Variants in EYS observed in about 807,000 individuals in gnomAD.
The protein encoded by EYS is EGF-like photoreceptor maintenance factor.
A neutral mutation model predicts 282.1 loss-of-function variants in EYS; 250 were observed. The observed-to-expected ratio is 0.89, with a 90% confidence interval of 0.80 to 0.98. The LOEUF (loss-of-function observed/expected upper bound fraction) is 0.98. Among genes scored for constraint, EYS ranks in the 50% least tolerant of loss-of-function variants. EYS has a pLI of 0.00. For synonymous variants in EYS, 1,355 were observed against 1,282.9 expected (o/e 1.06, Z -1.20); for missense variants, 4,016 against 3,709.0 (o/e 1.08, Z -2.15).
At chr6:64,335,373 C>A (rs1020425274) in intron 29 of EYS, among the ~76,000 whole-genome samples, 3 of 151,792 alleles carry the variant, frequency 2.0e-5, no homozygotes, top group African/African-American at 2.4e-5. Flanking sequence ...ACAGGCCCAG[C>A]GAGTTTCTGC....
intron 29 of EYS, among the ~76,000 whole-genome samples, chr6:64,329,144 G>C (rs965504194): frequency 6.6e-6 from 1 of 152,088 alleles, no homozygotes; most frequent in African/African-American, 2.4e-5. Flanking sequence ...GCTGGAAAAA[G>C]GACTTTATGG....
chr6:64,097,030 T>C (rs1772645569), intron 31 of EYS, among the ~76,000 whole-genome samples: 1 of 152,178 alleles, frequency 6.6e-6, no homozygotes, highest in South Asian at 2.1e-4. Flanking sequence ...CAGACCCTTT[T>C]TGCCTGGGTA....
Position 64,692,239 on chromosome 6 carries a change from T to C in EYS, c.3444-65994A>G, listed in dbSNP as rs528907882. Among the ~76,000 whole-genome samples, 3 of 152,338 alleles carry C rather than the reference T, an allele frequency of 2.0e-5. No homozygotes were observed. The East Asian group carries it at 5.8e-4, about 29-fold the overall frequency. ...ACTGTGGTTTTGATTTGCATTTCTC[T>C]GATGTTTAGTGATGCTAAGCATTTT... is the stretch of plus-strand genomic sequence containing the variant. On this transcript the variant is annotated intron_variant, in intron 22 of 42. Transcript: ENST00000503581.
At position 64,692,977 on chromosome 6, in the gene EYS, CTTTTTTTTTTT is replaced by C. The variant is rs67700846; in HGVS notation, c.3444-66743_3444-66733del. ...CTTGGGATTGGTTTGGCTGCTTGGG[CTTTTTTTTTTT>C]TTTTTTTTTTTGGTTCCAGAGGAAT... On this transcript the variant is annotated intron_variant, in intron 22 of 42. Coordinates refer to ENST00000503581, the MANE Select transcript of EYS (RefSeq NM_001142800.2). Among the ~76,000 whole-genome samples the C allele has an allele frequency of 7.0e-4, 8 of 11,506 alleles. No individual in the cohort carries two copies. In the Admixed American group the frequency reaches 7.4e-3, roughly 11 times the overall value. 7.5% of individuals were successfully genotyped at this position (11,506 alleles called of 152,430 possible). A position where few individuals can be genotyped will look rare whatever the true frequency, so the allele number is the denominator to read the frequency against.
chr6:65,630,681 C>T (rs1474181413), intron 2 of EYS, among the ~76,000 whole-genome samples: 2 of 152,166 alleles, frequency 1.3e-5, no homozygotes, highest in African/African-American at 4.8e-5. Context: ...ATATGAAGCA[C>T]ATCACAGTGT....
chr6:64,360,061 A>G (rs1047348827), intron 29 of EYS, among the ~76,000 whole-genome samples: 2 of 151,712 alleles, frequency 1.3e-5, no homozygotes, highest in African/African-American at 2.4e-5. Flanking sequence ...AGGGGTCAAA[A>G]GATCTTTATC....
At chr6:64,219,804 G>A (rs1478912057) in intron 31 of EYS, among the ~76,000 whole-genome samples, 2 of 152,132 alleles carry the variant, frequency 1.3e-5, no homozygotes, top group African/African-American at 4.8e-5. Context: ...ATGATAGACT[G>A]GATTAAGAAA....
At chr6:65,322,670 CTG>C (rs1334018037) in intron 11 of EYS, among the ~76,000 whole-genome samples, 2 of 152,008 alleles carry the variant, frequency 1.3e-5, no homozygotes, top group Non-Finnish European at 2.9e-5. Flanking sequence ...GGGCGCGCGC[CTG>C]TAGTCCCAGC....
intron 41 of EYS, among the ~76,000 whole-genome samples, chr6:63,727,300 C>A (rs754332866): frequency 6.6e-6 from 1 of 151,938 alleles, no homozygotes; most frequent in African/African-American, 2.4e-5. Flanking sequence ...TCTTAGAGTG[C>A]GCCCTGGTTC....
intron 22 of EYS, among the ~76,000 whole-genome samples, chr6:64,714,583 T>C (rs1320304561): frequency 6.8e-6 from 1 of 147,500 alleles, no homozygotes; most frequent in Non-Finnish European, 1.5e-5. Context: ...TGGAGTGCAG[T>C]GGCGCAATCT....
chr6:64,405,156 C>T (rs983985253), intron 28 of EYS, among the ~76,000 whole-genome samples: 4 of 152,052 alleles, frequency 2.6e-5, no homozygotes, highest in East Asian at 1.9e-4. Flanking sequence ...CCCCAACAGG[C>T]CCCAGTGTCA....
Position 64,822,702 on chromosome 6 carries a change from T to G in EYS, c.3113A>C (p.His1038Pro). The G allele has an allele frequency of 6.5e-7, 1 of 1,548,808 alleles. No individual in the cohort carries two copies. The highest frequency in any genetic ancestry group is 8.7e-7 in the Non-Finnish European group (1 of 1,145,768). ...CDCKSGFFGT[H>P]CETNANDCLS... ...GCAATCATTGGCGTTTGTTTCACAGTGTGTTCCAAAAAACCCACTCTTGCA... is the reference window on the plus strand; with the variant it reads ...GCAATCATTGGCGTTTGTTTCACAGGGTGTTCCAAAAAACCCACTCTTGCA... Residue 1038 changes from histidine to proline, a missense_variant, in exon 20 of 43, where the codon CAC becomes CCC. Coordinates refer to ENST00000503581, the MANE Select transcript of EYS (RefSeq NM_001142800.2).
intron 26 of EYS, among the ~76,000 whole-genome samples, chr6:64,496,616 T>C (rs563314474): frequency 6.6e-6 from 1 of 152,136 alleles, no homozygotes; most frequent in East Asian, 1.9e-4. Flanking sequence ...TTGCCATCCA[T>C]TACATATTTT....
intron 39 of EYS, among the ~76,000 whole-genome samples, chr6:63,785,152 GA>G (rs1259733835): frequency 5.9e-5 from 9 of 152,192 alleles, no homozygotes; most frequent in African/African-American, 1.2e-4. Flanking sequence ...AATAGTAAAA[GA>G]AATAAGTAAA....
chr6:65,674,090 T>A (rs1467749026), intron 1 of EYS, among the ~76,000 whole-genome samples: 2 of 151,712 alleles, frequency 1.3e-5, no homozygotes, highest in East Asian at 3.9e-4. Flanking sequence ...CAGTGAACTT[T>A]TGAAATGACA....
chr6:64,332,694 G>A (rs998586076), intron 29 of EYS, among the ~76,000 whole-genome samples: 1 of 152,170 alleles, frequency 6.6e-6, no homozygotes, highest in African/African-American at 2.4e-5. Flanking sequence ...CACACTGGAG[G>A]CTGGTCGGTC....
rs191138356 is a variant in EYS, at chr6:65,469,106, G to A, written c.862+21488C>T. ...GATAGAACAATATTTTTCAGTATAA[G>A]TATTTCCCATTCAAGATATGAGATA... On this transcript the variant is annotated intron_variant, in intron 5 of 42. Coordinates refer to ENST00000503581, the MANE Select transcript of EYS (RefSeq NM_001142800.2). Among the ~76,000 whole-genome samples, 15 of 152,020 alleles carry A rather than the reference G, an allele frequency of 9.9e-5. No homozygotes were observed. In the East Asian group the frequency reaches 2.9e-3, roughly 29 times the overall value.
intron 29 of EYS, among the ~76,000 whole-genome samples, chr6:64,384,319 T>A (rs577981473): frequency 1.3e-5 from 2 of 152,322 alleles, no homozygotes; most frequent in East Asian, 3.9e-4. Context: ...AATTATAAAC[T>A]AATTTGAAAA....
chr6:64,043,122 A>G (rs1452923980), intron 33 of EYS, among the ~76,000 whole-genome samples: 1 of 152,230 alleles, frequency 6.6e-6, no homozygotes, highest in Non-Finnish European at 1.5e-5. Context: ...TGGGTCCCAT[A>G]AAAGTTTATG....
Sources: gnomAD v4.1 joint callset for allele counts (sites outside exome capture counted in the v4.1 genomes callset) on GRCh38, gnomAD v4.1.1 for gene constraint, MANE v1.5 for transcripts, NCBI Gene and HGNC (gene_info 2026-07-23, HGNC 2026-07-21) for gene names.